Variants in MAPK10 observed in about 807,000 individuals in gnomAD.
MAPK10 encodes JNK3 alpha protein kinase.
MAPK10 carries 25 observed loss-of-function variants against 59.3 expected under a neutral mutation model. The observed-to-expected ratio is 0.42, with a 90% CI of 0.31 to 0.59. MAPK10 has a LOEUF of 0.59. Among genes scored for constraint, MAPK10 ranks in the 20% least tolerant of loss-of-function variants. MAPK10 has a pLI of 0.15. For missense variants in MAPK10, 351 were observed against 568.9 expected, an observed-to-expected ratio of 0.62 and a Z score of 3.90; for synonymous variants, 190 against 200.5, an observed-to-expected ratio of 0.95 and a Z score of 0.44.
At chr4:86,328,700 A>C (rs2096080019) in intron 2 of MAPK10, among the ~76,000 whole-genome samples, 1 of 152,182 alleles carries the variant, frequency 6.6e-6, no homozygotes, top group East Asian at 1.9e-4. Flanking sequence ...TGTTCTTTGC[A>C]GGGACATGGT....
At chr4:86,413,788 T>C (rs1000977959) in intron 1 of MAPK10, among the ~76,000 whole-genome samples, 2 of 152,208 alleles carry the variant, frequency 1.3e-5, no homozygotes, top group Non-Finnish European at 2.9e-5. Flanking sequence ...CAGTATTTGG[T>C]CAGGAGTGTA....
At chr4:86,177,437 GA>G (rs1233450424) in intron 3 of MAPK10, among the ~76,000 whole-genome samples, 3 of 152,044 alleles carry the variant, frequency 2.0e-5, no homozygotes, top group African/African-American at 7.2e-5. Flanking sequence ...GCCATCCAAT[GA>G]AGTATAAAAT....
chr4:86,215,155 T>C (rs143814056), intron 2 of MAPK10, among the ~76,000 whole-genome samples: 163 of 152,306 alleles, frequency 1.1e-3, no homozygotes, highest in Non-Finnish European at 1.9e-3. Context: ...GACCATCCAA[T>C]GGTGAAAGGA....
chr4:86,419,972 C>G (rs568604463), intron 1 of MAPK10, among the ~76,000 whole-genome samples: 1 of 152,314 alleles, frequency 6.6e-6, no homozygotes, highest in East Asian at 1.9e-4. Flanking sequence ...TAGATACATT[C>G]ACTCATTTGT....
intron 1 of MAPK10, chr4:86,357,732 T>C (rs1317261475): frequency 6.6e-6 from 1 of 152,192 alleles, no homozygotes; most frequent in Non-Finnish European, 1.5e-5. Context: ...CAACAGCAGA[T>C]GCTGTTCTGG....
chr4:86,160,248 C>A (rs1300606336), intron 3 of MAPK10: 2 of 151,720 alleles, frequency 1.3e-5, no homozygotes, highest in African/African-American at 2.4e-5. Context: ...TATCCATTAC[C>A]TGTGATTATT....
intron 1 of MAPK10, among the ~76,000 whole-genome samples, chr4:86,375,953 T>C (rs1739743804): frequency 6.6e-6 from 1 of 152,158 alleles, no homozygotes; most frequent in Non-Finnish European, 1.5e-5. Flanking sequence ...ACTAAATAAC[T>C]GAGTGTCTAC....
At chr4:86,565,179 T>A (rs1362109884) in intron 1 of MAPK10, among the ~76,000 whole-genome samples, 1 of 152,178 alleles carries the variant, frequency 6.6e-6, no homozygotes, top group Non-Finnish European at 1.5e-5. Flanking sequence ...AACTTATCTA[T>A]ATATGAATTC....
At chr4:86,483,085 T>A (rs1753725030) in intron 1 of MAPK10, among the ~76,000 whole-genome samples, 1 of 152,194 alleles carries the variant, frequency 6.6e-6, no homozygotes. Flanking sequence ...CTGTAGTTCC[T>A]CTCTTCCTCT....
rs532187996 is a variant in MAPK10, at chr4:86,373,011, C to A, written c.-121-18367G>T. Among the ~76,000 whole-genome samples the A allele has an allele frequency of 6.2e-3, 948 of 152,274 alleles. 7 individuals carry two copies. Among genetic ancestry groups the A allele is most frequent in the African/African-American group, 0.02 (847 of 41,564 alleles). On this transcript the variant is annotated intron_variant, in intron 1 of 13. Coordinates refer to the MAPK10 transcript ENST00000361569. Reference sequence around the variant, plus strand: ...TCATGCTACCTGACTTCAAACTATACTACAAGGCTACAGTAACCAAAATGG... The same window carrying A: ...TCATGCTACCTGACTTCAAACTATAATACAAGGCTACAGTAACCAAAATGG...
At chr4:86,478,647 G>A (rs974601569) in intron 1 of MAPK10, among the ~76,000 whole-genome samples, 2 of 151,980 alleles carry the variant, frequency 1.3e-5, no homozygotes, top group Non-Finnish European at 2.9e-5. Flanking sequence ...ACTTCAATCC[G>A]GCCTCCCACA....
At chr4:86,321,710 A>G (rs544000664) in intron 2 of MAPK10, 5 of 152,122 alleles carry the variant, frequency 3.3e-5, no homozygotes, top group African/African-American at 1.2e-4. Context: ...CATTGTGCAC[A>G]TGTACCCTAA....
At chr4:86,354,702 G>T (rs1733509150) in intron 1 of MAPK10, 58 bp from the exon 2 acceptor site, 3 of 714,096 alleles carry the variant, frequency 4.2e-6, no homozygotes, top group Non-Finnish European at 5.8e-6. Context: ...TTTGTATTTA[G>T]AAAACCAAAA....
At chr4:86,378,644 T>C (rs1250613572) in intron 1 of MAPK10, among the ~76,000 whole-genome samples, 2 of 152,232 alleles carry the variant, frequency 1.3e-5, no homozygotes, top group African/African-American at 2.4e-5. Context: ...TGGTGAATGA[T>C]TGAATGCAAC....
intron 2 of MAPK10, among the ~76,000 whole-genome samples, chr4:86,238,819 C>T (rs973499779): frequency 2.0e-5 from 3 of 152,134 alleles, no homozygotes; most frequent in Admixed American, 6.5e-5. Flanking sequence ...TCCTCTCTTC[C>T]TATTTTAATG....
intron 1 of MAPK10, among the ~76,000 whole-genome samples, chr4:86,426,875 T>C (rs1412488830): frequency 6.6e-6 from 1 of 152,120 alleles, no homozygotes; most frequent in East Asian, 1.9e-4. Context: ...AAAAGTATTC[T>C]ATAAATGCTA....
intron 2 of MAPK10, among the ~76,000 whole-genome samples, chr4:86,210,607 T>C (rs1333054776): frequency 1.3e-5 from 2 of 151,912 alleles, no homozygotes; most frequent in Non-Finnish European, 2.9e-5. Flanking sequence ...ATATCAAATA[T>C]CTCATGTACA....
At chr4:86,058,029 C>T (rs1048746625) in intron 11 of MAPK10, among the ~76,000 whole-genome samples, 1 of 149,810 alleles carries the variant, frequency 6.7e-6, no homozygotes, top group African/African-American at 2.5e-5. Context: ...GAAGGAAGTG[C>T]ACATTCAGTG....
intron 2 of MAPK10, among the ~76,000 whole-genome samples, chr4:86,269,196 G>C (rs1004614820): frequency 6.6e-6 from 1 of 152,128 alleles, no homozygotes; most frequent in African/African-American, 2.4e-5. Flanking sequence ...ACACTTCATA[G>C]ACACAAACTA....
Sources: allele counts gnomAD v4.1 joint callset (sites outside exome capture counted in the v4.1 genomes callset), GRCh38; gene constraint gnomAD v4.1.1; transcripts MANE v1.5; gene names NCBI Gene and HGNC (gene_info 2026-07-23, HGNC 2026-07-21).